The following GSTA4 variants were observed in gnomAD, a reference collection of about 807,000 sequenced individuals.
GSTA4 encodes the protein glutathione S-transferase alpha 4.
In GSTA4, 15 loss-of-function variants were observed where a neutral mutation model predicts 24.4. The ratio of observed to expected loss-of-function variants is 0.61; its 90% CI spans 0.41 to 0.95. The LOEUF (loss-of-function observed/expected upper bound fraction) is 0.95. GSTA4 is among the 40% of genes least tolerant of loss of function. GSTA4 has a pLI of 0.00. For synonymous variants in GSTA4, 92 were observed against 94.2 expected (o/e 0.98, Z 0.13); for missense variants, 244 against 262.1 (o/e 0.93, Z 0.48).
intron 5 of GSTA4, 40 bp downstream of exon 5, chr6:52,984,424 G>A: frequency 6.4e-7 from 1 of 1,573,906 alleles, no homozygotes; most frequent in Non-Finnish European, 8.6e-7. Context: ...GTGGTTTGTG[G>A]TTTGGTTGCT....
chr6:52,991,510 A>C (rs1337792423), intron 2 of GSTA4, among the ~76,000 whole-genome samples: 1 of 152,174 alleles, frequency 6.6e-6, no homozygotes, highest in Admixed American at 6.5e-5. Flanking sequence ...TTAAAGAGAA[A>C]GAAAAAAGGA....
intron 2 of GSTA4, among the ~76,000 whole-genome samples, chr6:52,992,761 A>T (rs1448837394): frequency 6.6e-6 from 1 of 152,198 alleles, no homozygotes; most frequent in Non-Finnish European, 1.5e-5. Flanking sequence ...GCAACTATGG[A>T]AACAGGATGA....
intron 2 of GSTA4, 198 bp downstream of exon 2, chr6:52,993,959 A>C (rs1209226210): frequency 1.5e-6 from 1 of 675,300 alleles, no homozygotes; most frequent in South Asian, 1.5e-5. Context: ...AGTAAAAGTC[A>C]AAAGGAAAAT....
chr6:52,994,404 C>T, intron 1 of GSTA4, 143 bp from the exon 2 acceptor site: 1 of 530,654 alleles, frequency 1.9e-6, no homozygotes, highest in Non-Finnish European at 3.4e-6. Context: ...TTCCCTCACT[C>T]AAGAAAAAAA....
intron 2 of GSTA4, chr6:52,987,903 C>T (rs1763593529): frequency 6.6e-6 from 1 of 152,304 alleles, no homozygotes; most frequent in African/African-American, 2.4e-5. Flanking sequence ...AAATGTATTC[C>T]CCAAATATGT....
intron 4 of GSTA4, among the ~76,000 whole-genome samples, chr6:52,984,884 G>A (rs1052545603): frequency 6.6e-6 from 1 of 152,164 alleles, no homozygotes; most frequent in South Asian, 2.1e-4. Flanking sequence ...CCATGTTTTG[G>A]TCTCTTCGTA....
At chr6:52,991,694 A>C (rs1406057991) in intron 2 of GSTA4, among the ~76,000 whole-genome samples, 1 of 152,202 alleles carries the variant, frequency 6.6e-6, no homozygotes, top group Non-Finnish European at 1.5e-5. Context: ...AGTTTCTTCC[A>C]AAAATAAATG....
At chr6:52,982,259 C>T (rs746484639) in intron 6 of GSTA4, among the ~76,000 whole-genome samples, 2 of 152,122 alleles carry the variant, frequency 1.3e-5, no homozygotes, top group Non-Finnish European at 2.9e-5. Flanking sequence ...TGGCACATGC[C>T]TATAGTCCCT....
At chr6:52,984,683 C>CTTT (rs11444456) in intron 4 of GSTA4, 78 bp from the exon 5 acceptor site, 238 of 789,026 alleles carry the variant, frequency 3.0e-4, no homozygotes, top group Admixed American at 3.7e-4. Flanking sequence ...ATTCAGAGTG[C>CTTT]TTTTTTTTTT....
chr6:52,982,777 A>G lies in GSTA4; in HGVS notation c.415-72T>C, dbSNP rs371493976. 6.0e-6 allele frequency: 7 copies of G among 1,162,510 alleles called. No homozygotes were observed. In the African/African-American group the frequency reaches 6.2e-5, roughly 10 times the overall value. The allele number at this position is 1,162,510 out of a possible 1,614,324, so 72.0% of individuals were successfully genotyped here. A position where few individuals can be genotyped will look rare whatever the true frequency, so the allele number is the denominator to read the frequency against. On this transcript the variant is annotated intron_variant, in intron 5 of 6. Coordinates refer to ENST00000370963, the MANE Select transcript of GSTA4 (RefSeq NM_001512.4). ...AGTGATGAGGCTATTGAATCAGTGC[A>G]GTATCTGAGAAGAGGTGAAACTATG...
chr6:52,994,450 G>A, intron 1 of GSTA4, 189 bp from the exon 2 acceptor site: 2 of 537,332 alleles, frequency 3.7e-6, no homozygotes, highest in Non-Finnish European at 6.6e-6. Flanking sequence ...AAAAACCTTG[G>A]CTTTTATATG....
intron 5 of GSTA4, among the ~76,000 whole-genome samples, chr6:52,983,777 G>A (rs764062043): frequency 5.3e-5 from 8 of 152,076 alleles, no homozygotes; most frequent in Non-Finnish European, 8.8e-5. Context: ...AAGTGCCTGT[G>A]GGAAAGATAC....
At chr6:52,979,246 CG>C (rs1561981923) in intron 6 of GSTA4, among the ~76,000 whole-genome samples, 2 of 152,284 alleles carry the variant, frequency 1.3e-5, no homozygotes, top group Non-Finnish European at 2.9e-5. Flanking sequence ...AAACACCACT[CG>C]GACTAGCCAC....
intron 6 of GSTA4, among the ~76,000 whole-genome samples, chr6:52,981,324 A>G (rs183076276): frequency 2.0e-5 from 3 of 152,300 alleles, no homozygotes; most frequent in Admixed American, 2.0e-4. Flanking sequence ...GGCTTTTGAT[A>G]ACTTGGTCAA....
intron 2 of GSTA4, 44 bp from the exon 3 acceptor site, chr6:52,987,452 T>C (rs1225733912): frequency 9.8e-7 from 1 of 1,020,008 alleles, no homozygotes; most frequent in Non-Finnish European, 1.5e-6. Context: ...AGTGGAATAT[T>C]ATTCAGCCAT....
intron 3 of GSTA4, among the ~76,000 whole-genome samples, chr6:52,987,014 G>A (rs1024086021): frequency 9.2e-5 from 14 of 152,006 alleles, no homozygotes; most frequent in Admixed American, 6.5e-4. Context: ...GCCTCAGATA[G>A]TGTGAAGGAA....
intron 1 of GSTA4, 189 bp from the exon 2 acceptor site, chr6:52,994,450 G>T (rs2127389231): frequency 3.7e-6 from 2 of 537,332 alleles, no homozygotes; most frequent in African/African-American, 1.9e-5. Context: ...AAAAACCTTG[G>T]CTTTTATATG....
At chr6:52,994,407 GA>G (rs112533503) in intron 1 of GSTA4, 146 bp from the exon 2 acceptor site, 50 of 492,334 alleles carry the variant, frequency 1.0e-4, no homozygotes, top group African/African-American at 3.9e-4. Context: ...CCTCACTCAA[GA>G]AAAAAAAACC....
In GSTA4 at chr6:52,984,598, T is replaced by G. The variant is rs777970996; in HGVS notation, c.280A>C (p.Met94Leu). The G allele has an allele frequency of 6.2e-7, 1 of 1,612,614 alleles. No homozygotes were observed. Among genetic ancestry groups the G allele is most frequent in the East Asian group, 2.2e-5 (1 of 44,872 alleles). ...KNLKERTLID[M>L]YVEGTLDLLE... ...AGATCCAGTGTCCCCTCCACGTACATGTCAATCCTTAAAACAAAAAAGCAG... is the reference window on the plus strand; with the variant it reads ...AGATCCAGTGTCCCCTCCACGTACAGGTCAATCCTTAAAACAAAAAAGCAG... The change falls in exon 5 of 7, where the codon ATG becomes CTG. Residue 94 changes from methionine (M) to leucine (L), a missense_variant. Physicochemically the swap from Met to Leu is conservative, Grantham distance 15. Coordinates refer to ENST00000370963, the MANE Select transcript of GSTA4 (RefSeq NM_001512.4).
Sources: gnomAD v4.1 joint callset for allele counts (sites outside exome capture counted in the v4.1 genomes callset) on GRCh38, gnomAD v4.1.1 for gene constraint, MANE v1.5 for transcripts, NCBI Gene and HGNC (gene_info 2026-07-23, HGNC 2026-07-21) for gene names.